Variants in MPDZ observed in about 807,000 individuals in gnomAD.
The protein encoded by MPDZ is multiple PDZ domain protein.
Under a neutral mutation model 239.1 loss-of-function variants are expected in MPDZ, and 234 were observed. The observed-to-expected ratio is 0.98, with a 90% CI of 0.88 to 1.09. The LOEUF (loss-of-function observed/expected upper bound fraction) is 1.09. MPDZ is among the 50% of genes least tolerant of loss of function. The probability of loss-of-function intolerance (pLI) is 0.00; values close to 1 mark genes in which losing one functional copy is unlikely to be tolerated. For synonymous variants in MPDZ, 1,048 were observed against 881.3 expected, an observed-to-expected ratio of 1.19 and a Z score of -3.35; for missense variants, 3,175 against 2,510.0, an observed-to-expected ratio of 1.26 and a Z score of -5.66.
chr9:13,173,746 T>C (rs1260545770), intron 21 of MPDZ, among the ~76,000 whole-genome samples: 1 of 151,758 alleles, frequency 6.6e-6, no homozygotes, highest in Non-Finnish European at 1.5e-5. Context: ...AATAGCCAGA[T>C]TGCAAAATCT....
At chr9:13,274,958 A>G (rs1200661985) in intron 1 of MPDZ, among the ~76,000 whole-genome samples, 2 of 152,248 alleles carry the variant, frequency 1.3e-5, no homozygotes, top group Non-Finnish European at 2.9e-5. Flanking sequence ...TGTCCACAAA[A>G]AGGCCACAGA....
Position 13,236,267 on chromosome 9 carries a change from ATTTTTTTT to A in MPDZ, c.183+11360_183+11367del, listed in dbSNP as rs1158772302. ...TGTGTGTGTATATATATATATATATATTTTTTTTTTTTTTTTTTTTTTTTTTTGAGACA... is the reference window on the plus strand; with the variant it reads ...TGTGTGTGTATATATATATATATATATTTTTTTTTTTTTTTTTTTGAGACA... On this transcript the variant is annotated intron_variant, in intron 3 of 46. Coordinates refer to ENST00000319217, the MANE Select transcript of MPDZ (RefSeq NM_001378778.1). Among the ~76,000 whole-genome samples, 173 of 19,940 alleles carry A rather than the reference ATTTTTTTT, an allele frequency of 8.7e-3. 1 individual carries two copies. Among genetic ancestry groups the A allele is most frequent in the East Asian group, 0.024 (9 of 376 alleles). The allele number at this position is 19,940 out of a possible 152,430, so 13.1% of individuals were successfully genotyped here. A position where few individuals can be genotyped will look rare whatever the true frequency, so the allele number is the denominator to read the frequency against.
chr9:13,175,995 C>A, intron 20 of MPDZ, 120 bp from the exon 21 acceptor site: 2 of 1,423,876 alleles, frequency 1.4e-6, no homozygotes, highest in Non-Finnish European at 9.3e-7. Flanking sequence ...GAACCTGCAA[C>A]CAAAACAAGT....
intron 22 of MPDZ, among the ~76,000 whole-genome samples, chr9:13,167,804 G>A (rs1951265620): frequency 6.6e-6 from 1 of 152,064 alleles, no homozygotes; most frequent in Non-Finnish European, 1.5e-5. Flanking sequence ...GGGGTTATTG[G>A]AAATTTTAAG....
chr9:13,196,513 G>A (rs1396046106), intron 12 of MPDZ, among the ~76,000 whole-genome samples: 1 of 152,110 alleles, frequency 6.6e-6, no homozygotes, highest in Non-Finnish European at 1.5e-5. Flanking sequence ...TAAGGACTCT[G>A]AGCAGTTCCA....
At chr9:13,186,633 T>G (rs1157499601) in intron 17 of MPDZ, among the ~76,000 whole-genome samples, 1 of 151,090 alleles carries the variant, frequency 6.6e-6, no homozygotes, top group Non-Finnish European at 1.5e-5. Context: ...TGGATGAGAA[T>G]CCCTTTCTAC....
intron 3 of MPDZ, among the ~76,000 whole-genome samples, chr9:13,238,362 A>G (rs1306023431): frequency 6.6e-6 from 1 of 152,138 alleles, no homozygotes; most frequent in African/African-American, 2.4e-5. Context: ...TTCCCCTCGA[A>G]CCGTGTAAAC....
At position 13,106,945 on chromosome 9, in the gene MPDZ, G is replaced by A; in HGVS notation, c.*20C>T. The A allele has an allele frequency of 6.2e-7, 1 of 1,612,794 alleles. No homozygotes were observed. Among genetic ancestry groups the A allele is most frequent in the South Asian group, 1.1e-5 (1 of 90,986 alleles). ...AGGAGGTGAGCTAGGGGTTGGGTTG[G>A]TTCAATTCTGGCAGCCAATTCAAGA... is the stretch of plus-strand genomic sequence containing the variant. On this transcript the variant is annotated 3_prime_UTR_variant, in exon 47 of 47. Transcript: ENST00000319217.
chr9:13,189,219 T>A (rs1447641517), intron 16 of MPDZ, among the ~76,000 whole-genome samples: 2 of 152,196 alleles, frequency 1.3e-5, no homozygotes, highest in East Asian at 3.8e-4. Flanking sequence ...CACTTCCTAA[T>A]GTTCCTGAGT....
chr9:13,194,988 TA>T (rs879614298), intron 13 of MPDZ, among the ~76,000 whole-genome samples: 227 of 147,282 alleles, frequency 1.5e-3, no homozygotes, highest in Non-Finnish European at 2.5e-3. Context: ...TTTGAATGTT[TA>T]AAAAAAAAAA....
At chr9:13,187,423 A>C (rs1954268081) in intron 17 of MPDZ, among the ~76,000 whole-genome samples, 1 of 152,152 alleles carries the variant, frequency 6.6e-6, no homozygotes, top group African/African-American at 2.4e-5. Flanking sequence ...CCAAATGCAT[A>C]ATCCAATCTT....
At chr9:13,258,593 C>A (rs1398796538) in intron 1 of MPDZ, among the ~76,000 whole-genome samples, 1 of 152,200 alleles carries the variant, frequency 6.6e-6, no homozygotes. Flanking sequence ...ATAATTCCTA[C>A]TTTTGGGTAA....
At chr9:13,160,784 T>C (rs555326082) in intron 23 of MPDZ, among the ~76,000 whole-genome samples, 2 of 136,106 alleles carry the variant, frequency 1.5e-5, no homozygotes, top group African/African-American at 2.7e-5. Context: ...GATGGTTGCA[T>C]CTGCAAAATA....
intron 1 of MPDZ, among the ~76,000 whole-genome samples, chr9:13,269,983 A>G (rs1972599095): frequency 6.6e-6 from 1 of 152,222 alleles, no homozygotes; most frequent in Non-Finnish European, 1.5e-5. Context: ...GTAACAAGCT[A>G]CACTATTTAG....
At chr9:13,119,469 C>G (rs1943997593) in intron 39 of MPDZ, 33 bp downstream of exon 39, 3 of 1,596,582 alleles carry the variant, frequency 1.9e-6, no homozygotes, top group African/African-American at 2.7e-5. Context: ...TTCTTCTACG[C>G]TATTACACAG....
At chr9:13,275,661 C>A (rs1406938809) in intron 1 of MPDZ, among the ~76,000 whole-genome samples, 1 of 152,162 alleles carries the variant, frequency 6.6e-6, no homozygotes, top group East Asian at 1.9e-4. Flanking sequence ...CCAGATTGCA[C>A]TGAAGAGGTT....
intron 3 of MPDZ, 52 bp from the exon 4 acceptor site, chr9:13,224,635 C>T (rs370735453): frequency 4.1e-6 from 5 of 1,222,988 alleles, no homozygotes; most frequent in East Asian, 2.5e-5. Flanking sequence ...TAAACTATTT[C>T]ATAGAAAATA....
Position 13,122,137 on chromosome 9 carries a change from C to T in MPDZ, c.4987G>A (p.Gly1663Arg), listed in dbSNP as rs2274648. The T allele has an allele frequency of 6.2e-7, 1 of 1,614,016 alleles. No individual in the cohort carries two copies. Among genetic ancestry groups the T allele is most frequent in the East Asian group, 2.2e-5 (1 of 44,878 alleles). ...AIIIHEVYEE[G>R]AACKDGRLWA... ...AGTCTTCCATCTTTACATGCTGCTC[C>T]TTCTTCATAAACTTCATGGATAATA... The change falls in exon 37 of 47, where the codon GGA becomes AGA. Residue 1663 changes from glycine to arginine, a missense_variant. By Grantham distance (125) the Gly-to-Arg change is moderately radical. Transcript: ENST00000319217.
At chr9:13,275,742 C>T (rs2139497340) in intron 1 of MPDZ, among the ~76,000 whole-genome samples, 2 of 152,278 alleles carry the variant, frequency 1.3e-5, no homozygotes, top group East Asian at 1.9e-4. Flanking sequence ...TCAGCCTATA[C>T]TTCATTGCTC....
Sources: allele counts gnomAD v4.1 joint callset (sites outside exome capture counted in the v4.1 genomes callset), GRCh38; gene constraint gnomAD v4.1.1; transcripts MANE v1.5; gene names NCBI Gene and HGNC (gene_info 2026-07-23, HGNC 2026-07-21).